CNTNAP2: variants seen among roughly 807,000 people sequenced by gnomAD.
CNTNAP2 encodes the protein contactin-associated protein-like 2.
In CNTNAP2, 98 loss-of-function variants were observed where a neutral mutation model predicts 155.2. The ratio of observed to expected loss-of-function variants is 0.63; its 90% CI spans 0.54 to 0.75. CNTNAP2 has a LOEUF of 0.75. Among genes scored for constraint, CNTNAP2 ranks in the 30% least tolerant of loss-of-function variants. The pLI, the probability that CNTNAP2 is intolerant of heterozygous loss-of-function variation, is 0.00. For missense variants in CNTNAP2, 1,727 were observed against 1,688.1 expected, an observed-to-expected ratio of 1.02 and a Z score of -0.40; for synonymous variants, 651 against 631.2, an observed-to-expected ratio of 1.03 and a Z score of -0.47.
chr7:146,834,366 C>T (rs924520054), intron 2 of CNTNAP2, among the ~76,000 whole-genome samples: 1 of 152,136 alleles, frequency 6.6e-6, no homozygotes, highest in African/African-American at 2.4e-5. Flanking sequence ...ATAGAATGGA[C>T]ACGTAGAATA....
rs570185842 is a variant in CNTNAP2, at chr7:148,365,737, T to C, written c.3476-17912T>C. On this transcript the variant is annotated intron_variant, in intron 21 of 23. Coordinates refer to ENST00000361727, the MANE Select transcript of CNTNAP2 (RefSeq NM_014141.6). ...ATATGTATACGTGTATATATGTATG[T>C]GTATACATGTATACATGTATGTGTA... Among the ~76,000 whole-genome samples, 436 of 53,768 alleles carry C rather than the reference T, an allele frequency of 8.1e-3. 88 individuals carry two copies. The highest frequency in any genetic ancestry group is 0.02 in the Middle Eastern group (2 of 102). The allele number at this position is 53,768 out of a possible 152,430, so 35.3% of individuals were successfully genotyped here. A position where few individuals can be genotyped will look rare whatever the true frequency, so the allele number is the denominator to read the frequency against.
chr7:148,003,974 GATTT>G (rs1464143988), intron 15 of CNTNAP2, among the ~76,000 whole-genome samples: 2 of 152,088 alleles, frequency 1.3e-5, no homozygotes, highest in East Asian at 1.9e-4. Context: ...AACTCTAAGT[GATTT>G]ATTAATTGAT....
At chr7:147,627,715 G>C (rs1013710359) in intron 12 of CNTNAP2, among the ~76,000 whole-genome samples, 3 of 118,650 alleles carry the variant, frequency 2.5e-5, no homozygotes, top group African/African-American at 3.5e-5. Context: ...AAAAAAAAAA[G>C]ATATTAAAAC....
intron 13 of CNTNAP2, among the ~76,000 whole-genome samples, chr7:147,688,276 G>T (rs1399654869): frequency 2.0e-5 from 3 of 152,124 alleles, no homozygotes; most frequent in African/African-American, 7.2e-5. Flanking sequence ...AATGTCGATA[G>T]CCCCAAAGAG....
chr7:146,656,996 T>C (rs1330692857), intron 1 of CNTNAP2, among the ~76,000 whole-genome samples: 2 of 152,192 alleles, frequency 1.3e-5, no homozygotes, highest in Admixed American at 1.3e-4. Flanking sequence ...CTTTGACTCA[T>C]ATGATATCAC....
intron 21 of CNTNAP2, among the ~76,000 whole-genome samples, chr7:148,331,264 G>T (rs1366172704): frequency 6.8e-6 from 1 of 147,166 alleles, no homozygotes; most frequent in Non-Finnish European, 1.5e-5. Context: ...ATGGATGGAT[G>T]GATGGAGTGG....
At chr7:146,226,101 T>G (rs1425081096) in intron 1 of CNTNAP2, among the ~76,000 whole-genome samples, 1 of 152,194 alleles carries the variant, frequency 6.6e-6, no homozygotes, top group Admixed American at 6.5e-5. Context: ...ACAGGAAATA[T>G]CTAGATGGTT....
intron 14 of CNTNAP2, among the ~76,000 whole-genome samples, chr7:147,947,129 T>C (rs1354818222): frequency 6.6e-6 from 1 of 152,132 alleles, no homozygotes; most frequent in East Asian, 1.9e-4. Context: ...TATCTTATTA[T>C]GCAGATAAAG....
intron 4 of CNTNAP2, among the ~76,000 whole-genome samples, chr7:147,075,637 T>C (rs920332751): frequency 1.3e-5 from 2 of 152,230 alleles, no homozygotes; most frequent in East Asian, 1.9e-4. Context: ...CTTTTTTCTT[T>C]TTTTTAAATT....
chr7:147,483,551 G>T (rs1798462178), intron 10 of CNTNAP2, among the ~76,000 whole-genome samples: 1 of 152,084 alleles, frequency 6.6e-6, no homozygotes, highest in Admixed American at 6.5e-5. Flanking sequence ...GTTTTCCTCT[G>T]CTACTTAGTA....
chr7:147,488,581 A>G (rs2116643765), intron 11 of CNTNAP2, among the ~76,000 whole-genome samples: 1 of 152,352 alleles, frequency 6.6e-6, no homozygotes, highest in Admixed American at 6.5e-5. Context: ...CTAAGAGCTA[A>G]AGTTTAATAT....
At chr7:146,888,918 T>C (rs6464777) in intron 3 of CNTNAP2, among the ~76,000 whole-genome samples, 2,270 of 152,216 alleles carry the variant, frequency 0.015, 57 homozygotes, top group African/African-American at 0.051. Flanking sequence ...GGAGAGCTAG[T>C]ATCAAGCACA....
At chr7:147,342,093 G>A (rs989834216) in intron 9 of CNTNAP2, among the ~76,000 whole-genome samples, 2 of 152,044 alleles carry the variant, frequency 1.3e-5, no homozygotes, top group Non-Finnish European at 2.9e-5. Context: ...AGAGAGACTG[G>A]AAGCTTGCTG....
At chr7:146,197,527 T>C (rs554219431) in intron 1 of CNTNAP2, among the ~76,000 whole-genome samples, 1 of 152,288 alleles carries the variant, frequency 6.6e-6, no homozygotes, top group African/African-American at 2.4e-5. Flanking sequence ...TGTTCCATGA[T>C]ACTATTTTAA....
intron 3 of CNTNAP2, among the ~76,000 whole-genome samples, chr7:147,023,355 A>G: frequency 6.6e-6 from 1 of 152,152 alleles, no homozygotes. Context: ...TTGACATATA[A>G]TCTTTTAAAT....
At chr7:146,652,156 C>A (rs71530751) in intron 1 of CNTNAP2, among the ~76,000 whole-genome samples, 1 of 152,062 alleles carries the variant, frequency 6.6e-6, no homozygotes, top group South Asian at 2.1e-4. Flanking sequence ...AAAAAATTAA[C>A]CCCATTTTAA....
chr7:147,137,906 T>C (rs1801518438), intron 8 of CNTNAP2, among the ~76,000 whole-genome samples: 1 of 130,854 alleles, frequency 7.6e-6, no homozygotes, highest in African/African-American at 2.7e-5. Flanking sequence ...GATAGATAGA[T>C]AGATAGATAG....
At chr7:146,917,199 G>C (rs562690293) in intron 3 of CNTNAP2, among the ~76,000 whole-genome samples, 1 of 151,938 alleles carries the variant, frequency 6.6e-6, no homozygotes, top group African/African-American at 2.4e-5. Context: ...ATATAATTTT[G>C]ATTTTCTTAA....
intron 1 of CNTNAP2, among the ~76,000 whole-genome samples, chr7:146,588,592 G>A (rs1225610621): frequency 2.6e-5 from 4 of 151,410 alleles, no homozygotes; most frequent in Non-Finnish European, 4.4e-5. Flanking sequence ...TTGCAGTCTC[G>A]ACCTCCCCAA....
Sources: gnomAD v4.1 joint callset for allele counts (sites outside exome capture counted in the v4.1 genomes callset) on GRCh38, gnomAD v4.1.1 for gene constraint, MANE v1.5 for transcripts, NCBI Gene and HGNC (gene_info 2026-07-23, HGNC 2026-07-21) for gene names.